Variants in XXYLT1 observed in about 807,000 individuals in gnomAD.
XXYLT1 encodes the protein xyloside xylosyltransferase 1, also known as UDP-xylose:alpha-xyloside alpha-1,3-xylosyltransferase.
Under a neutral mutation model 28.9 loss-of-function variants are expected in XXYLT1, and 20 were observed. The ratio of observed to expected loss-of-function variants is 0.69; its 90% CI spans 0.49 to 1.00. The LOEUF is 1.00. Among genes scored for constraint, XXYLT1 ranks in the 50% least tolerant of loss-of-function variants. XXYLT1 has a pLI of 0.00. For synonymous variants in XXYLT1, 257 were observed against 253.8 expected (o/e 1.01, Z -0.12); for missense variants, 542 against 560.1 (o/e 0.97, Z 0.33).
intron 2 of XXYLT1, among the ~76,000 whole-genome samples, chr3:195,201,218 G>T (rs1722836005): frequency 6.6e-6 from 1 of 152,180 alleles, no homozygotes; most frequent in Admixed American, 6.5e-5. Flanking sequence ...CCTCTGTGAA[G>T]AGAGTGTCTA....
chr3:195,202,125 C>A (rs1458409517), intron 2 of XXYLT1, among the ~76,000 whole-genome samples: 1 of 151,908 alleles, frequency 6.6e-6, no homozygotes, highest in African/African-American at 2.4e-5. Context: ...TGCAGTGAGC[C>A]GAGATCGTGC....
rs567960504 is a variant in XXYLT1 at position 195,069,780 on chromosome 3, A to C, written c.1117T>G (p.Phe373Val). ...HGYSDVFEAY[F>V]RCEGHVKIYH... ...ATCTTGACGTGGCCCTCACACCTGA[A>C]ATAGGCCTCGAAGACGTCACTGTAG... is the stretch of plus-strand genomic sequence containing the variant. The change falls in exon 4 of 4, where the codon TTC becomes GTC. Residue 373 changes from phenylalanine to valine, a missense_variant. Transcript: ENST00000310380. 6.2e-7 allele frequency: 1 copy of C among 1,614,106 alleles called. No individual in the cohort carries two copies. The highest frequency in any genetic ancestry group is 1.1e-5 in the South Asian group (1 of 91,078).
At chr3:195,073,981 A>C (rs568048714) in intron 3 of XXYLT1, among the ~76,000 whole-genome samples, 1 of 152,244 alleles carries the variant, frequency 6.6e-6, no homozygotes, top group East Asian at 1.9e-4. Context: ...TGGAGAATCT[A>C]AGGGCTCGTC....
At chr3:195,189,908 A>C (rs1379199777) in intron 2 of XXYLT1, among the ~76,000 whole-genome samples, 2 of 152,238 alleles carry the variant, frequency 1.3e-5, no homozygotes, top group Non-Finnish European at 2.9e-5. Context: ...ACACAGTATA[A>C]TCAAACCTGT....
Position 195,168,434 on chromosome 3 carries a change from T to C in XXYLT1, c.653-11853A>G, listed in dbSNP as rs1298584499. 6.6e-6 allele frequency among the ~76,000 whole-genome samples: 1 copy of C among 152,232 alleles called. No individual in the cohort carries two copies. The highest frequency in any genetic ancestry group is 1.5e-5 in the Non-Finnish European group (1 of 68,046). On this transcript the variant is annotated intron_variant, in intron 2 of 3. Transcript: ENST00000310380. The surrounding 1 kb of genome is among the most constrained non-coding windows in gnomAD (Gnocchi z 4.3). ...AATGTGAGGGTTCAGAAATAAATAG[T>C]GTCTTTCCTAGCCTCAAAATGCAAA...
intron 2 of XXYLT1, among the ~76,000 whole-genome samples, chr3:195,159,453 C>A (rs1037715989): frequency 6.6e-6 from 1 of 152,204 alleles, no homozygotes; most frequent in Non-Finnish European, 1.5e-5. Context: ...CCACTCCCAA[C>A]ACAGGCCATA....
At chr3:195,090,946 C>G (rs1421023349) in intron 3 of XXYLT1, among the ~76,000 whole-genome samples, 1 of 151,758 alleles carries the variant, frequency 6.6e-6, no homozygotes, top group African/African-American at 2.4e-5. Flanking sequence ...ATAAATTCCT[C>G]GACGTATACA....
intron 3 of XXYLT1, among the ~76,000 whole-genome samples, chr3:195,111,865 G>T (rs1717736385): frequency 6.6e-6 from 1 of 152,166 alleles, no homozygotes; most frequent in Admixed American, 6.5e-5. Context: ...GAGGTAAAGT[G>T]GCCTTCGGAA....
At chr3:195,122,184 C>T (rs1054609314) in intron 3 of XXYLT1, 1 of 702,868 alleles carries the variant, frequency 1.4e-6, no homozygotes, top group African/African-American at 1.7e-5. Context: ...GGACACTCAT[C>T]CCATTCATGA....
At chr3:195,095,476 C>T (rs1460566867) in intron 3 of XXYLT1, 2 of 153,896 alleles carry the variant, frequency 1.3e-5, no homozygotes, top group Admixed American at 6.5e-5. Context: ...AGGGGGACAG[C>T]TCCTAGAGCT....
chr3:195,228,956 G>A (rs143379542), intron 1 of XXYLT1, among the ~76,000 whole-genome samples: 9,332 of 151,690 alleles, frequency 0.062, 981 homozygotes, highest in African/African-American at 0.21. Flanking sequence ...GGGATTACAG[G>A]CGCCCACCAC....
intron 3 of XXYLT1, among the ~76,000 whole-genome samples, chr3:195,108,185 A>G (rs1300904702): frequency 6.6e-6 from 1 of 152,218 alleles, no homozygotes; most frequent in African/African-American, 2.4e-5. Flanking sequence ...TGCAATGTTC[A>G]TATATTCTTC....
rs570027504 is a variant in XXYLT1, at chr3:195,180,308, C to G, written c.653-23727G>C. 3.3e-5 allele frequency: 33 copies of G among 985,322 alleles called. No individual in the cohort carries two copies. The African/African-American group carries it at 5.4e-4, about 16-fold the overall frequency. The allele number at this position is 985,322 out of a possible 1,614,324, so 61.0% of individuals were successfully genotyped here. On this transcript the variant is annotated intron_variant, in intron 2 of 3. Coordinates refer to ENST00000310380, the MANE Select transcript of XXYLT1 (RefSeq NM_152531.5). The surrounding 1 kb of genome is among the most constrained non-coding windows in gnomAD (Gnocchi z 5.8). ...GAAAGGTCCCTTCCATCCTGGGGACCCAACTCATGAGGGCCCAGAAGGAAG... is the reference window on the plus strand; with the variant it reads ...GAAAGGTCCCTTCCATCCTGGGGACGCAACTCATGAGGGCCCAGAAGGAAG...
intron 3 of XXYLT1, among the ~76,000 whole-genome samples, chr3:195,145,061 C>A (rs1200735634): frequency 6.6e-6 from 1 of 152,192 alleles, no homozygotes; most frequent in African/African-American, 2.4e-5. Flanking sequence ...ACATGAAAGT[C>A]CTGTTCACTG....
intron 2 of XXYLT1, among the ~76,000 whole-genome samples, chr3:195,213,264 T>C (rs1283570384): frequency 9.4e-6 from 1 of 106,508 alleles, no homozygotes; most frequent in Non-Finnish European, 1.8e-5. Context: ...TCTTTCTTTC[T>C]TTTTTTTTTT....
intron 3 of XXYLT1, among the ~76,000 whole-genome samples, chr3:195,148,807 A>G (rs777288380): frequency 2.0e-5 from 3 of 152,256 alleles, no homozygotes; most frequent in Non-Finnish European, 4.4e-5. Flanking sequence ...ATGAGCTCAT[A>G]TAACTCTCCT....
intron 1 of XXYLT1, among the ~76,000 whole-genome samples, chr3:195,259,845 G>C (rs1725617524): frequency 6.6e-6 from 1 of 152,224 alleles, no homozygotes; most frequent in African/African-American, 2.4e-5. Flanking sequence ...GAGGCCCGCC[G>C]GGTGTGACGG....
chr3:195,266,764 C>A (rs1330718074), intron 1 of XXYLT1, among the ~76,000 whole-genome samples: 2 of 152,172 alleles, frequency 1.3e-5, no homozygotes, highest in African/African-American at 4.8e-5. Context: ...TAACTCCATC[C>A]AAATACAGAC....
chr3:195,222,331 A>AGCCACT (rs1723863282), intron 2 of XXYLT1, among the ~76,000 whole-genome samples: 2 of 152,248 alleles, frequency 1.3e-5, no homozygotes, highest in South Asian at 4.1e-4. Flanking sequence ...CAGTGGGGAC[A>AGCCACT]GCCACTGTCT....
Sources: gnomAD v4.1 joint callset for allele counts (sites outside exome capture counted in the v4.1 genomes callset) on GRCh38, gnomAD v4.1.1 for gene constraint, Gnocchi (gnomAD v3.1) non-coding constraint, MANE v1.5 for transcripts, NCBI Gene and HGNC (gene_info 2026-07-23, HGNC 2026-07-21) for gene names.